The following LRRC36 variants were observed in gnomAD, a reference collection of about 807,000 sequenced individuals.
LRRC36 encodes the protein leucine rich repeat containing 36.
LRRC36 carries 62 observed loss-of-function variants against 81.1 expected under a neutral mutation model. The observed-to-expected ratio is 0.76, with a 90% CI of 0.62 to 0.94. The LOEUF (loss-of-function observed/expected upper bound fraction) is 0.94, where lower values mean the gene tolerates loss of function less well. Among genes scored for constraint, LRRC36 ranks in the 40% least tolerant of loss-of-function variants. LRRC36 has a pLI of 0.00. For missense variants in LRRC36, 761 were observed against 881.7 expected, an observed-to-expected ratio of 0.86 and a Z score of 1.73; for synonymous variants, 334 against 348.6, an observed-to-expected ratio of 0.96 and a Z score of 0.47.
chr16:67,346,449 G>T lies in LRRC36; in HGVS notation c.391+1G>T. The T allele has an allele frequency of 6.4e-7, 1 of 1,558,426 alleles. No homozygotes were observed. Among genetic ancestry groups the T allele is most frequent in the South Asian group, 1.2e-5 (1 of 82,496 alleles). On this transcript the variant is annotated splice_donor_variant, in intron 3 of 13. Transcript: ENST00000329956. LOFTEE classifies it high-confidence loss of function. ...ACACTACAAACTCTGGAGAAATTAG[G>T]TAAGACCTTCCTTCTCTGTTCCTGT...
intron 4 of LRRC36, 128 bp downstream of exon 4, chr16:67,347,719 T>A: frequency 1.5e-6 from 1 of 647,158 alleles, no homozygotes; most frequent in African/African-American, 1.9e-5. Flanking sequence ...AGATCAGGAA[T>A]AAAAGTATTT....
intron 1 of LRRC36, among the ~76,000 whole-genome samples, chr16:67,337,306 G>A (rs980667741): frequency 3.3e-5 from 5 of 149,328 alleles, no homozygotes; most frequent in Non-Finnish European, 7.5e-5. Context: ...TTCATTATTT[G>A]GTCTTCATTT....
chr16:67,363,854 G>A, intron 6 of LRRC36, 140 bp downstream of exon 6: 2 of 813,428 alleles, frequency 2.5e-6, no homozygotes, highest in Non-Finnish European at 3.8e-6. Context: ...GGAAAGGGCA[G>A]GACAGAATGC....
intron 1 of LRRC36, among the ~76,000 whole-genome samples, chr16:67,341,728 A>C (rs1422660668): frequency 6.6e-6 from 1 of 152,102 alleles, no homozygotes; most frequent in Non-Finnish European, 1.5e-5. Context: ...GGAGACTTTT[A>C]GTACATCCTT....
intron 4 of LRRC36, among the ~76,000 whole-genome samples, chr16:67,349,451 G>A (rs1420854366): frequency 2.0e-5 from 3 of 152,194 alleles, no homozygotes; most frequent in Admixed American, 2.0e-4. Context: ...TGTACTTACT[G>A]TACTACCCAA....
chr16:67,383,754 G>T (rs996721188), intron 13 of LRRC36, among the ~76,000 whole-genome samples: 3 of 152,108 alleles, frequency 2.0e-5, no homozygotes, highest in African/African-American at 7.2e-5. Context: ...CATTTACACA[G>T]TCCCAATGTC....
rs2039910513 is a variant in LRRC36, at chr16:67,376,737, A to T, written c.1671A>T (p.Arg557=). 1.2e-6 allele frequency: 2 copies of T among 1,611,862 alleles called. No homozygotes were observed. Among genetic ancestry groups the T allele is most frequent in the Admixed American group, 3.3e-5 (2 of 59,958 alleles). Residue 557 remains arginine, a synonymous_variant, in exon 11 of 14, where the codon CGA becomes CGT. Transcript: ENST00000329956. Reference sequence around the variant, plus strand: ...CTGAATTTTTGGCAGGTCCTGCCCGAGATTTGCTTCTGTCTTTGGTAGTCC... The same window carrying T: ...CTGAATTTTTGGCAGGTCCTGCCCGTGATTTGCTTCTGTCTTTGGTAGTCC... The part of the protein sequence containing the change: ...LLNKKFLGPA[R]DLLLSLVVPA...
At chr16:67,347,650 T>G in intron 4 of LRRC36, 59 bp downstream of exon 4, 34 of 1,119,584 alleles carry the variant, frequency 3.0e-5, no homozygotes, top group Non-Finnish European at 4.2e-5. Context: ...AAATAGTGAA[T>G]TCCTGCTTAG....
intron 9 of LRRC36, chr16:67,371,598 A>G: frequency 3.1e-6 from 1 of 320,444 alleles, no homozygotes; most frequent in Non-Finnish European, 6.2e-6. Context: ...CAGGCTGGGC[A>G]CAGTGGCGCA....
At chr16:67,363,837 T>C (rs2142093313) in intron 6 of LRRC36, 123 bp downstream of exon 6, 1 of 1,035,984 alleles carries the variant, frequency 9.7e-7, no homozygotes, top group Admixed American at 2.3e-5. Flanking sequence ...TTTTAGACCC[T>C]TTTAAAGGAA....
chr16:67,364,239 GA>G (rs2039286616), intron 6 of LRRC36, among the ~76,000 whole-genome samples: 1 of 152,180 alleles, frequency 6.6e-6, no homozygotes, highest in African/African-American at 2.4e-5. Flanking sequence ...GGGGAGGAGT[GA>G]AAAATAAGGT....
At chr16:67,368,792 A>AT (rs1465109089) in intron 8 of LRRC36, among the ~76,000 whole-genome samples, 1 of 152,180 alleles carries the variant, frequency 6.6e-6, no homozygotes, top group Non-Finnish European at 1.5e-5. Context: ...GGCTAGACAG[A>AT]TAGCGGTGGA....
intron 5 of LRRC36, among the ~76,000 whole-genome samples, chr16:67,361,332 T>A (rs538264197): frequency 6.6e-6 from 1 of 151,832 alleles, no homozygotes; most frequent in South Asian, 2.1e-4. Flanking sequence ...GTGCCTGGCC[T>A]TTGATAGAAT....
intron 1 of LRRC36, among the ~76,000 whole-genome samples, chr16:67,333,175 C>T (rs2142571440): frequency 6.6e-6 from 1 of 152,150 alleles, no homozygotes; most frequent in East Asian, 1.9e-4. Context: ...GCCCTATTGC[C>T]CAGGCTGCAG....
intron 1 of LRRC36, among the ~76,000 whole-genome samples, chr16:67,334,021 A>T (rs1291430389): frequency 6.6e-6 from 1 of 151,814 alleles, no homozygotes; most frequent in African/African-American, 2.4e-5. Context: ...CACCATTATT[A>T]TTATTATTTT....
At chr16:67,337,742 C>G (rs2037832844) in intron 1 of LRRC36, among the ~76,000 whole-genome samples, 2 of 152,002 alleles carry the variant, frequency 1.3e-5, no homozygotes, top group Admixed American at 6.6e-5. Flanking sequence ...TTTGTCTATT[C>G]TAATTTACAT....
chr16:67,348,679 A>AT (rs1236318831), intron 4 of LRRC36: 1 of 152,150 alleles, frequency 6.6e-6, no homozygotes, highest in African/African-American at 2.4e-5. Flanking sequence ...TTATTCTTAT[A>AT]TTATTCTCCA....
chr16:67,374,505 C>T (rs1161245479), intron 9 of LRRC36, among the ~76,000 whole-genome samples: 4 of 151,988 alleles, frequency 2.6e-5, no homozygotes, highest in Non-Finnish European at 4.4e-5. Context: ...AGCAATTCTC[C>T]TGCCTCATCC....
intron 2 of LRRC36, 91 bp downstream of exon 2, chr16:67,342,175 T>C (rs2038120543): frequency 2.4e-6 from 2 of 820,258 alleles, no homozygotes; most frequent in South Asian, 7.3e-5. Flanking sequence ...TCCTGGGGAA[T>C]ATAAGACCTT....
Sources: allele counts gnomAD v4.1 joint callset (sites outside exome capture counted in the v4.1 genomes callset), GRCh38; gene constraint gnomAD v4.1.1; transcripts MANE v1.5; gene names NCBI Gene and HGNC (gene_info 2026-07-23, HGNC 2026-07-21).